CNTLN: variants seen among roughly 807,000 people sequenced by gnomAD.
The protein encoded by CNTLN is centlein, also known as centlein, centrosomal protein.
CNTLN carries 212 observed loss-of-function variants against 180.0 expected under a neutral mutation model. That is an observed-to-expected ratio of 1.18 (90% CI 1.05 to 1.32). The LOEUF (loss-of-function observed/expected upper bound fraction) is 1.32. Among genes scored for constraint, CNTLN ranks in the 40% most tolerant of loss-of-function variants. The pLI, the probability that CNTLN is intolerant of heterozygous loss-of-function variation, is 0.00. For missense variants in CNTLN, 2,095 were observed against 1,610.9 expected (o/e 1.30, Z -5.14); for synonymous variants, 722 against 563.1 (o/e 1.28, Z -3.99).
chr9:17,349,519 G>A (rs2133278240), intron 12 of CNTLN, among the ~76,000 whole-genome samples: 1 of 152,140 alleles, frequency 6.6e-6, no homozygotes, highest in South Asian at 2.1e-4. Flanking sequence ...AACATTGTAT[G>A]ACAACTGTAC....
At chr9:17,501,824 C>G (rs1489858377) in intron 25 of CNTLN, among the ~76,000 whole-genome samples, 1 of 152,182 alleles carries the variant, frequency 6.6e-6, no homozygotes, top group Non-Finnish European at 1.5e-5. Context: ...TCAGAAGTAA[C>G]TGGGGCTGCA....
intron 2 of CNTLN, among the ~76,000 whole-genome samples, chr9:17,192,333 G>A (rs1304764715): frequency 6.6e-6 from 1 of 151,200 alleles, no homozygotes; most frequent in African/African-American, 2.4e-5. Context: ...CTGCCTCCCG[G>A]GTTCAAGCGA....
intron 12 of CNTLN, among the ~76,000 whole-genome samples, chr9:17,366,285 T>C (rs1271521266): frequency 7.3e-6 from 1 of 136,858 alleles, no homozygotes; most frequent in Non-Finnish European, 1.6e-5. Flanking sequence ...GTAACCATGA[T>C]GGGCTAGTTG....
chr9:17,395,239 G>A (rs964551806), intron 15 of CNTLN, among the ~76,000 whole-genome samples, 170 bp downstream of exon 15: 1 of 152,120 alleles, frequency 6.6e-6, no homozygotes, highest in African/African-American at 2.4e-5. Context: ...ACTGAAATTT[G>A]CATGCAAAAT....
At chr9:17,223,995 G>A (rs556788984) in intron 2 of CNTLN, among the ~76,000 whole-genome samples, 1 of 151,882 alleles carries the variant, frequency 6.6e-6, no homozygotes, top group African/African-American at 2.4e-5. Flanking sequence ...CTTCCCTAGG[G>A]TCTTCATGAC....
intron 12 of CNTLN, among the ~76,000 whole-genome samples, chr9:17,351,422 C>T (rs898955846): frequency 1.3e-5 from 2 of 152,198 alleles, no homozygotes; most frequent in African/African-American, 2.4e-5. Flanking sequence ...GGAGGTCTCA[C>T]TGAGATTCAA....
chr9:17,485,138 T>G (rs1832831983), intron 24 of CNTLN, among the ~76,000 whole-genome samples: 1 of 152,168 alleles, frequency 6.6e-6, no homozygotes, highest in Non-Finnish European at 1.5e-5. Flanking sequence ...ATGTGTAGGA[T>G]GCTCATTCCT....
chr9:17,291,971 G>A (rs1829443390), intron 6 of CNTLN, among the ~76,000 whole-genome samples: 1 of 152,118 alleles, frequency 6.6e-6, no homozygotes, highest in Non-Finnish European at 1.5e-5. Context: ...GCTTCCTTCA[G>A]GAGCTCTTGC....
chr9:17,151,731 A>T (rs886160103), intron 2 of CNTLN, among the ~76,000 whole-genome samples: 2 of 152,178 alleles, frequency 1.3e-5, no homozygotes, highest in Non-Finnish European at 2.9e-5. Context: ...TTTCAGAAGG[A>T]ATGGTACCAG....
At chr9:17,414,462 T>A (rs1828078783) in intron 16 of CNTLN, among the ~76,000 whole-genome samples, 1 of 151,202 alleles carries the variant, frequency 6.6e-6, no homozygotes, top group Non-Finnish European at 1.5e-5. Flanking sequence ...TAGTTTGGAT[T>A]TTTTTTTTAA....
chr9:17,434,928 G>A (rs541738760), intron 18 of CNTLN, among the ~76,000 whole-genome samples: 2 of 152,060 alleles, frequency 1.3e-5, no homozygotes, highest in African/African-American at 4.8e-5. Context: ...ATTCAAATTA[G>A]CATATCCCTA....
At position 17,241,127 on chromosome 9, in the gene CNTLN, G is replaced by C. The variant is rs1352575182; in HGVS notation, c.849+4539G>C. 2.0e-5 allele frequency among the ~76,000 whole-genome samples: 3 copies of C among 152,124 alleles called. 1 individual carries two copies. The highest frequency in any genetic ancestry group is 4.1e-4 in the South Asian group (2 of 4,822). ...CCCACCTTGGCCTCCCAAAGTGCTG[G>C]GATTACAGGCGTGAGCCACCGCAGC... On this transcript the variant is annotated intron_variant, in intron 5 of 25. Transcript: ENST00000380647.
chr9:17,399,593 C>T (rs936026416), intron 15 of CNTLN, among the ~76,000 whole-genome samples: 17 of 152,150 alleles, frequency 1.1e-4, no homozygotes, highest in African/African-American at 4.1e-4. Flanking sequence ...AAGCCCTTTC[C>T]ATCTTCCTTC....
chr9:17,359,320 A>G (rs996842526), intron 12 of CNTLN, among the ~76,000 whole-genome samples: 3 of 152,012 alleles, frequency 2.0e-5, no homozygotes, highest in South Asian at 4.1e-4. Flanking sequence ...CACCTGCCCA[A>G]TTTCTTAAAC....
At chr9:17,379,183 CAG>C (rs1222565177) in intron 13 of CNTLN, among the ~76,000 whole-genome samples, 1 of 152,034 alleles carries the variant, frequency 6.6e-6, no homozygotes, top group Admixed American at 6.6e-5. Context: ...CTCGGCTAGT[CAG>C]AGCATAAACT....
chr9:17,342,723 C>T (rs976967896), intron 12 of CNTLN, among the ~76,000 whole-genome samples: 1 of 152,032 alleles, frequency 6.6e-6, no homozygotes, highest in African/African-American at 2.4e-5. Context: ...TCTTCATTAG[C>T]CTGTATTTTA....
intron 6 of CNTLN, among the ~76,000 whole-genome samples, chr9:17,294,860 AGGAG>A (rs1817729218): frequency 4.1e-5 from 1 of 24,252 alleles, no homozygotes; most frequent in Non-Finnish European, 7.0e-5. Context: ...GGGAGGAGGG[AGGAG>A]GGCGGAGGGA....
chr9:17,438,463 A>G (rs1294749278), intron 18 of CNTLN, among the ~76,000 whole-genome samples: 1 of 152,188 alleles, frequency 6.6e-6, no homozygotes, highest in Non-Finnish European at 1.5e-5. Context: ...CAAAGTGAGT[A>G]GAAAGTTGAT....
chr9:17,519,046 C>T, the CNTLN span, among the ~76,000 whole-genome samples: 6 of 152,096 alleles, frequency 3.9e-5, no homozygotes, highest in Admixed American at 3.9e-4. Context: ...CCTCAGCCCC[C>T]TGAGTAGCTG....
Sources: gnomAD v4.1 joint callset for allele counts (sites outside exome capture counted in the v4.1 genomes callset) on GRCh38, gnomAD v4.1.1 for gene constraint, MANE v1.5 for transcripts, NCBI Gene and HGNC (gene_info 2026-07-23, HGNC 2026-07-21) for gene names.